NOVA1: variants seen among roughly 807,000 people sequenced by gnomAD.
NOVA1 encodes NOVA alternative splicing regulator 1.
In NOVA1, 7 loss-of-function variants were observed where a neutral mutation model predicts 38.0. The observed-to-expected ratio is 0.18, with a 90% CI of 0.10 to 0.35. The LOEUF is 0.35. Ranked by LOEUF, NOVA1 falls within the 10% of genes least tolerant of loss-of-function variation. The probability of loss-of-function intolerance (pLI) is 1.00; values close to 1 mark genes in which losing one functional copy is unlikely to be tolerated. For missense variants in NOVA1, 460 were observed against 616.0 expected (o/e 0.75, Z 2.68); for synonymous variants, 270 against 232.5 (o/e 1.16, Z -1.47).
At chr14:26,480,218 A>G (rs1156425267) in intron 2 of NOVA1, 75 bp from the exon 3 acceptor site, 3 of 1,312,958 alleles carry the variant, frequency 2.3e-6, no homozygotes, top group Non-Finnish European at 3.1e-6. Flanking sequence ...GGATGATATC[A>G]TAACGCCAAA....
intron 3 of NOVA1, among the ~76,000 whole-genome samples, chr14:26,473,902 G>GT (rs1373870896): frequency 6.6e-6 from 1 of 151,846 alleles, no homozygotes; most frequent in African/African-American, 2.4e-5. Flanking sequence ...TTCTATTTTT[G>GT]TTTTTTATAA....
intron 4 of NOVA1, 132 bp from the exon 5 acceptor site, chr14:26,449,095 C>G (rs1392406676): frequency 1.2e-6 from 1 of 832,880 alleles, no homozygotes; most frequent in Non-Finnish European, 1.7e-6. Context: ...AATATCACAA[C>G]TTTAAAGTGA....
intron 2 of NOVA1, among the ~76,000 whole-genome samples, chr14:26,592,508 A>G (rs1272422514): frequency 2.0e-5 from 3 of 151,486 alleles, no homozygotes; most frequent in Non-Finnish European, 4.4e-5. Context: ...AAAATGATCT[A>G]CTTGTAGATC....
In NOVA1 at chr14:26,447,621, C is replaced by T. The variant is rs1882182634; in HGVS notation, c.*338G>A. On this transcript the variant is annotated 3_prime_UTR_variant, in exon 5 of 5. Transcript: ENST00000539517. ...GTAGTTAATTTAGTGTTATCTAGAA[C>T]TAATACTGAAAACTATACGCATATC... 2 of 288,940 alleles carry T rather than the reference C, an allele frequency of 6.9e-6. No homozygotes were observed. The highest frequency in any genetic ancestry group is 1.3e-5 in the Non-Finnish European group (2 of 152,606). 17.9% of individuals were successfully genotyped at this position (288,940 alleles called of 1,614,324 possible). A position where few individuals can be genotyped will look rare whatever the true frequency, so the allele number is the denominator to read the frequency against.
chr14:26,593,687 C>A (rs1893999860), intron 2 of NOVA1: 1 of 151,820 alleles, frequency 6.6e-6, no homozygotes, highest in Non-Finnish European at 1.5e-5. Flanking sequence ...ATAAAATAAT[C>A]AATTTCAATG....
intron 2 of NOVA1, among the ~76,000 whole-genome samples, chr14:26,548,770 C>CT (rs1287233466): frequency 1.3e-5 from 2 of 150,928 alleles, no homozygotes; most frequent in Non-Finnish European, 3.0e-5. Context: ...CAAATATTTA[C>CT]TGTTCCTTCT....
At chr14:26,566,793 A>T (rs1892159800) in intron 2 of NOVA1, among the ~76,000 whole-genome samples, 1 of 152,206 alleles carries the variant, frequency 6.6e-6, no homozygotes, top group Non-Finnish European at 1.5e-5. Flanking sequence ...GGAAGTCATC[A>T]TTATAAGGAA....
intron 2 of NOVA1, among the ~76,000 whole-genome samples, chr14:26,548,768 T>C (rs2138630912): frequency 6.6e-6 from 1 of 151,426 alleles, no homozygotes; most frequent in Non-Finnish European, 1.5e-5. Context: ...TTCAAATATT[T>C]ACTGTTCCTT....
intron 2 of NOVA1, among the ~76,000 whole-genome samples, chr14:26,560,102 A>T (rs1891732839): frequency 6.6e-6 from 1 of 152,044 alleles, no homozygotes; most frequent in Non-Finnish European, 1.5e-5. Flanking sequence ...TCACACACCA[A>T]ACTGATATCA....
intron 2 of NOVA1, among the ~76,000 whole-genome samples, chr14:26,566,074 A>G (rs1892119431): frequency 6.6e-6 from 1 of 152,178 alleles, no homozygotes; most frequent in Non-Finnish European, 1.5e-5. Context: ...ATTCCTTCAG[A>G]GTCGTTGTAA....
intron 2 of NOVA1, among the ~76,000 whole-genome samples, chr14:26,588,156 C>T (rs1238317090): frequency 6.7e-6 from 1 of 150,106 alleles, no homozygotes; most frequent in Admixed American, 6.7e-5. Context: ...CACAGAACTT[C>T]GAAATGTATG....
intron 2 of NOVA1, among the ~76,000 whole-genome samples, chr14:26,586,597 A>G (rs1398834574): frequency 6.6e-6 from 1 of 151,258 alleles, no homozygotes; most frequent in Non-Finnish European, 1.5e-5. Flanking sequence ...TCAATACTCT[A>G]ACCAAAAATT....
intron 2 of NOVA1, among the ~76,000 whole-genome samples, chr14:26,539,216 A>C (rs1389493773): frequency 6.6e-6 from 1 of 152,192 alleles, no homozygotes. Flanking sequence ...GGTACACAGT[A>C]TTACTAAATA....
intron 2 of NOVA1, chr14:26,519,548 T>C (rs1888721055): frequency 6.6e-6 from 1 of 152,178 alleles, no homozygotes. Flanking sequence ...AATTAGACTG[T>C]TAACACCTAT....
intron 2 of NOVA1, among the ~76,000 whole-genome samples, chr14:26,564,545 C>T (rs1594543476): frequency 6.6e-6 from 1 of 152,152 alleles, no homozygotes; most frequent in African/African-American, 2.4e-5. Flanking sequence ...AAATATTATA[C>T]AGTACTGTTA....
At chr14:26,452,640 CAT>C (rs1366540049) in intron 4 of NOVA1, among the ~76,000 whole-genome samples, 1 of 152,188 alleles carries the variant, frequency 6.6e-6, no homozygotes, top group Admixed American at 6.5e-5. Context: ...GAAAAATACA[CAT>C]ATTCTTATTT....
At chr14:26,534,136 T>C (rs539862760) in intron 2 of NOVA1, among the ~76,000 whole-genome samples, 1 of 152,276 alleles carries the variant, frequency 6.6e-6, no homozygotes, top group African/African-American at 2.4e-5. Context: ...AACTCAGCCA[T>C]ACACAAATGT....
intron 2 of NOVA1, among the ~76,000 whole-genome samples, chr14:26,577,261 T>C (rs911341): frequency 0.035 from 5,265 of 152,190 alleles, 299 homozygotes; most frequent in African/African-American, 0.12. Flanking sequence ...TTCCCCTAGG[T>C]ATAAAAATAA....
intron 2 of NOVA1, among the ~76,000 whole-genome samples, chr14:26,532,748 T>C (rs1391403924): frequency 6.6e-6 from 1 of 152,204 alleles, no homozygotes; most frequent in Non-Finnish European, 1.5e-5. Flanking sequence ...GTATTTCATT[T>C]TGATATCCAT....
Sources: gnomAD v4.1 joint callset for allele counts (sites outside exome capture counted in the v4.1 genomes callset) on GRCh38, gnomAD v4.1.1 for gene constraint, MANE v1.5 for transcripts, NCBI Gene and HGNC (gene_info 2026-07-23, HGNC 2026-07-21) for gene names.